Variants in LIMS1 observed in about 807,000 individuals in gnomAD.
LIMS1 encodes the protein LIM and senescent cell antigen-like-containing domain protein 1.
A neutral mutation model predicts 44.1 loss-of-function variants in LIMS1; 18 were observed. The observed-to-expected ratio is 0.41, with a 90% CI of 0.28 to 0.61. The LOEUF is 0.61. Among genes scored for constraint, LIMS1 ranks in the 20% least tolerant of loss-of-function variants. LIMS1 has a pLI of 0.32. For synonymous variants in LIMS1, 93 were observed against 149.1 expected (o/e 0.62, Z 2.74); for missense variants, 201 against 422.0 (o/e 0.48, Z 4.59).
intron 1 of LIMS1, among the ~76,000 whole-genome samples, chr2:108,582,522 A>G (rs1294605567): frequency 6.6e-6 from 1 of 152,226 alleles, no homozygotes; most frequent in Non-Finnish European, 1.5e-5. Context: ...TAATCCCAGC[A>G]CTTTGGGAGG....
intron 1 of LIMS1, among the ~76,000 whole-genome samples, chr2:108,598,493 G>C (rs2718730): frequency 0.01 from 1,556 of 151,924 alleles, 39 homozygotes; most frequent in African/African-American, 0.036. Flanking sequence ...TTGCAGATAT[G>C]AGGCCAGTGA....
intron 1 of LIMS1, among the ~76,000 whole-genome samples, chr2:108,537,185 A>C (rs1031046534): frequency 4.6e-5 from 7 of 152,210 alleles, no homozygotes; most frequent in African/African-American, 1.7e-4. Context: ...TGCTACAGTG[A>C]CTTCTTAGGA....
chr2:108,579,406 C>CT (rs1456430413), intron 1 of LIMS1, among the ~76,000 whole-genome samples: 2 of 152,052 alleles, frequency 1.3e-5, no homozygotes, highest in African/African-American at 4.8e-5. Context: ...TAGTCTGTAT[C>CT]TATGGTTTTC....
At chr2:108,544,681 G>T (rs1684426056) in intron 1 of LIMS1, among the ~76,000 whole-genome samples, 1 of 152,026 alleles carries the variant, frequency 6.6e-6, no homozygotes, top group Admixed American at 6.6e-5. Context: ...TTTTAGTAGA[G>T]ACGGGTTTTC....
intron 1 of LIMS1, among the ~76,000 whole-genome samples, chr2:108,627,194 G>A (rs950582351): frequency 2.0e-5 from 3 of 152,128 alleles, no homozygotes; most frequent in African/African-American, 7.2e-5. Context: ...GTATGTTTAT[G>A]TGAACATTTG....
At chr2:108,565,111 T>C (rs1016134444) in intron 1 of LIMS1, among the ~76,000 whole-genome samples, 8 of 152,238 alleles carry the variant, frequency 5.3e-5, no homozygotes, top group Non-Finnish European at 1.0e-4. Flanking sequence ...AATACTTGAT[T>C]CTCTCAACTC....
intron 2 of LIMS1, chr2:108,662,905 A>C (rs1360991580): frequency 8.0e-6 from 2 of 251,370 alleles, no homozygotes; most frequent in Non-Finnish European, 6.3e-6. Context: ...AGGGAGACTT[A>C]GAAATGGGGT....
chr2:108,617,643 A>C (rs1299731067), intron 1 of LIMS1, among the ~76,000 whole-genome samples: 2 of 152,226 alleles, frequency 1.3e-5, no homozygotes, highest in Non-Finnish European at 2.9e-5. Context: ...GGCCCTATAG[A>C]TGCAGCGGTA....
chr2:108,587,743 G>A (rs1357030568), intron 1 of LIMS1, among the ~76,000 whole-genome samples: 1 of 152,188 alleles, frequency 6.6e-6, no homozygotes, highest in East Asian at 1.9e-4. Flanking sequence ...GTGGAAACTT[G>A]GCACTGAGGA....
Position 108,551,503 on chromosome 2 carries a change from ACAC to A in LIMS1, c.32+16910_32+16912del, listed in dbSNP as rs1684702764. On this transcript the variant is annotated intron_variant, in intron 1 of 9. Coordinates refer to ENST00000544547, the Ensembl canonical transcript of LIMS1. ...TATGCGCGCGCGCGCACACACACAC[ACAC>A]ACACACACACACACACACACACACA... 5.0e-5 allele frequency among the ~76,000 whole-genome samples: 7 copies of A among 139,942 alleles called. No individual in the cohort carries two copies. The South Asian group carries it at 1.3e-3, about 26-fold the overall frequency. The allele number at this position is 139,942 out of a possible 152,430, so 91.8% of individuals were successfully genotyped here. A position where few individuals can be genotyped will look rare whatever the true frequency, so the allele number is the denominator to read the frequency against.
chr2:108,535,548 G>A (rs1461248045), intron 1 of LIMS1, among the ~76,000 whole-genome samples: 1 of 152,178 alleles, frequency 6.6e-6, no homozygotes, highest in East Asian at 1.9e-4. Flanking sequence ...TATATTTGTC[G>A]TTTGGAAGAT....
intron 1 of LIMS1, among the ~76,000 whole-genome samples, chr2:108,620,345 G>C (rs751508958): frequency 4.6e-5 from 7 of 152,158 alleles, no homozygotes; most frequent in Non-Finnish European, 8.8e-5. Flanking sequence ...AAAATTCCTA[G>C]AACCATTTAG....
chr2:108,580,207 G>A (rs1437616090), intron 1 of LIMS1, among the ~76,000 whole-genome samples: 1 of 152,240 alleles, frequency 6.6e-6, no homozygotes, highest in Non-Finnish European at 1.5e-5. Flanking sequence ...TGCAGAACTT[G>A]TGGGATGTCT....
At chr2:108,568,164 G>A (rs1685360045) in intron 1 of LIMS1, among the ~76,000 whole-genome samples, 1 of 152,160 alleles carries the variant, frequency 6.6e-6, no homozygotes, top group Non-Finnish European at 1.5e-5. Context: ...GTATCAATTA[G>A]CCTGCAGAAA....
At chr2:108,637,382 C>T (rs1382759871) in intron 1 of LIMS1, among the ~76,000 whole-genome samples, 5 of 152,098 alleles carry the variant, frequency 3.3e-5, no homozygotes, top group Non-Finnish European at 7.4e-5. Flanking sequence ...AAGTAAACCC[C>T]GTGTTAAGCT....
At chr2:108,686,791 G>C (rs1213841589) in exon 10 of LIMS1, 2 of 144,436 alleles carry the variant, frequency 1.4e-5, no homozygotes, top group Non-Finnish European at 3.1e-5. Flanking sequence ...AAAAAAAAAA[G>C]TGTAAGTGGA....
chr2:108,540,854 C>T (rs1036824291), intron 1 of LIMS1, among the ~76,000 whole-genome samples: 5 of 152,292 alleles, frequency 3.3e-5, no homozygotes, highest in South Asian at 2.1e-4. Context: ...TGCTATATTA[C>T]GTTGGTTTGC....
chr2:108,629,324 A>G (rs1213748545), intron 1 of LIMS1, among the ~76,000 whole-genome samples: 2 of 152,238 alleles, frequency 1.3e-5, no homozygotes, highest in East Asian at 1.9e-4. Context: ...TTTCTTCTCT[A>G]TGAATGAACT....
chr2:108,607,142 C>T (rs897277091), intron 1 of LIMS1: 2 of 1,425,258 alleles, frequency 1.4e-6, no homozygotes, highest in Non-Finnish European at 1.9e-6. Flanking sequence ...AGGGAGCCTG[C>T]TTGCCCCTTC....
Sources: gnomAD v4.1 joint callset for allele counts (sites outside exome capture counted in the v4.1 genomes callset) on GRCh38, gnomAD v4.1.1 for gene constraint, MANE v1.5 for transcripts, NCBI Gene and HGNC (gene_info 2026-07-23, HGNC 2026-07-21) for gene names.